Variants in NUP62CL observed in about 807,000 individuals in gnomAD.
The protein encoded by NUP62CL is nucleoporin 62 C-terminal like.
Under a neutral mutation model 15.3 loss-of-function variants are expected in NUP62CL, and 13 were observed. The observed-to-expected ratio is 0.85, with a 90% CI of 0.55 to 1.35. The LOEUF is 1.35. Among genes scored for constraint, NUP62CL ranks in the 40% most tolerant of loss-of-function variants. The pLI is 0.00. For synonymous variants in NUP62CL, 54 were observed against 49.2 expected (o/e 1.10, Z -0.41); for missense variants, 123 against 130.6 (o/e 0.94, Z 0.28).
chrX:107,142,188 G>T (rs2147794939), intron 8 of NUP62CL, among the ~76,000 whole-genome samples: 1 of 111,214 alleles, frequency 9.0e-6, no homozygotes, highest in African/African-American at 3.3e-5. Flanking sequence ...TAAATATAAA[G>T]TATGATTATT....
intron 2 of NUP62CL, among the ~76,000 whole-genome samples, chrX:107,183,466 T>C (rs762970752): frequency 2.3e-4 from 25 of 109,815 alleles, no homozygotes; most frequent in Non-Finnish European, 3.8e-4. Flanking sequence ...TAAAATAAGA[T>C]AAAAAATAAA....
chrX:107,193,819 A>G (rs557592654), intron 1 of NUP62CL, among the ~76,000 whole-genome samples: 3 of 111,987 alleles, frequency 2.7e-5, no homozygotes, highest in African/African-American at 9.7e-5. Context: ...CAATCTGAAC[A>G]GCACATCAAA....
intron 2 of NUP62CL, among the ~76,000 whole-genome samples, chrX:107,182,352 C>T (rs373989437): frequency 8.9e-6 from 1 of 111,828 alleles, no homozygotes; most frequent in African/African-American, 3.3e-5. Context: ...CCAAAATTCC[C>T]CCATGGTGGG....
intron 7 of NUP62CL, chrX:107,150,914 A>C (rs1453776135): frequency 2.9e-6 from 1 of 342,901 alleles, no homozygotes; most frequent in Admixed American, 3.1e-5. Flanking sequence ...AACGTCCTTG[A>C]GATCTTGGGC....
At chrX:107,171,828 G>T (rs1371501324) in intron 3 of NUP62CL, among the ~76,000 whole-genome samples, 1 of 110,303 alleles carries the variant, frequency 9.1e-6, no homozygotes, top group African/African-American at 3.3e-5. Flanking sequence ...CAAAGAGGCT[G>T]CCCATTCATA....
intron 1 of NUP62CL, among the ~76,000 whole-genome samples, chrX:107,199,353 G>C (rs1874352283): frequency 8.9e-6 from 1 of 111,868 alleles, no homozygotes; most frequent in African/African-American, 3.2e-5. Flanking sequence ...TAAATCTACT[G>C]TGTGTCAAAA....
Position 107,204,773 on chromosome X carries a change from TTTAAATAAATTTTAAATAAA to T in NUP62CL, c.-92+1480_-92+1499del, listed in dbSNP as rs1215619507. On this transcript the variant is annotated intron_variant, in intron 1 of 8. Transcript: ENST00000372466. ...ATTTAAATAAATTTTAAATAAATTA[TTTAAATAAATTTTAAATAAA>T]TTATTTAAATAAATTTTAAATAAAT... Among the ~76,000 whole-genome samples, 160 of 89,795 alleles carry T rather than the reference TTTAAATAAATTTTAAATAAA, an allele frequency of 1.8e-3. 42 individuals carry two copies. The highest frequency in any genetic ancestry group is 5.6e-3 in the African/African-American group (117 of 20,723). 78.0% of individuals were successfully genotyped at this position (89,795 alleles called of 115,157 possible). A position where few individuals can be genotyped will look rare whatever the true frequency, so the allele number is the denominator to read the frequency against.
intron 1 of NUP62CL, among the ~76,000 whole-genome samples, chrX:107,199,528 T>C (rs1251072100): frequency 4.5e-5 from 5 of 112,230 alleles, no homozygotes; most frequent in Non-Finnish European, 9.4e-5. Context: ...GCACAGAAGC[T>C]TAGCCATACG....
intron 8 of NUP62CL, chrX:107,132,209 C>T (rs1190816399): frequency 3.9e-5 from 43 of 1,107,568 alleles, no homozygotes; most frequent in South Asian, 1.3e-4. Context: ...GATTCTGGTC[C>T]TCTTATTGAT....
intron 2 of NUP62CL, among the ~76,000 whole-genome samples, chrX:107,189,870 AAG>A (rs1251937786): frequency 1.9e-4 from 13 of 69,389 alleles, no homozygotes; most frequent in African/African-American, 3.8e-4. Context: ...AGGAAGGAAA[AAG>A]AAAGAAAAGA....
chrX:107,176,262 T>G (rs1926780217), intron 2 of NUP62CL, among the ~76,000 whole-genome samples: 1 of 111,232 alleles, frequency 9.0e-6, no homozygotes, highest in African/African-American at 3.3e-5. Context: ...AATAACAATT[T>G]AGGGTGTAAG....
chrX:107,128,608 G>A (rs765805008), intron 8 of NUP62CL, among the ~76,000 whole-genome samples: 79 of 111,618 alleles, frequency 7.1e-4, no homozygotes, highest in Non-Finnish European at 1.3e-3. Flanking sequence ...ACACAGCCTG[G>A]ATACAAAGAA....
In NUP62CL at chrX:107,153,201, C is replaced by T. The variant is rs760788723; in HGVS notation, c.501G>A (p.Leu167=). The T allele has an allele frequency of 8.3e-7, 1 of 1,205,894 alleles. No individual in the cohort carries two copies. Among genetic ancestry groups the T allele is most frequent in the East Asian group, 3.0e-5 (1 of 33,737 alleles). ...STRDQSGLHY[L]QDADEEHVEI... ...CCACATGCTCCTCATCTGCATCCTG[C>T]AGATAATGAAGTCCACTCTGGTCAC... Residue 167 remains leucine (L), a synonymous_variant, in exon 7 of 9, where the codon CTG becomes CTA. Coordinates refer to ENST00000372466, the MANE Select transcript of NUP62CL (RefSeq NM_017681.3).
At chrX:107,152,053 T>G (rs867752896) in intron 7 of NUP62CL, among the ~76,000 whole-genome samples, 2 of 66,481 alleles carry the variant, frequency 3.0e-5, no homozygotes, top group Non-Finnish European at 4.8e-5. Flanking sequence ...TATTCAGATA[T>G]ATATATATAT....
chrX:107,179,480 G>A (rs186598884), intron 2 of NUP62CL, among the ~76,000 whole-genome samples: 12 of 111,120 alleles, frequency 1.1e-4, no homozygotes, highest in African/African-American at 3.6e-4. Context: ...TGTACCTACC[G>A]TTTAGCTCCC....
chrX:107,198,536 C>T (rs764900987), intron 1 of NUP62CL, among the ~76,000 whole-genome samples: 32 of 111,705 alleles, frequency 2.9e-4, no homozygotes, highest in African/African-American at 9.8e-4. Context: ...CAGCTTCACT[C>T]CTGAAGCCAG....
chrX:107,174,524 G>A (rs1364443205), intron 3 of NUP62CL, among the ~76,000 whole-genome samples: 1 of 111,200 alleles, frequency 9.0e-6, no homozygotes, highest in African/African-American at 3.3e-5. Context: ...TTGGGGTTAC[G>A]AGATAATGTC....
rs772211351 is a variant in NUP62CL, at chrX:107,198,827, T to C, written c.-91-5755A>G. Among the ~76,000 whole-genome samples, 165 of 112,358 alleles carry C rather than the reference T, an allele frequency of 1.5e-3. 1 individual carries two copies. Among genetic ancestry groups the C allele is most frequent in the Non-Finnish European group, 2.0e-3 (105 of 53,293 alleles). On this transcript the variant is annotated intron_variant, in intron 1 of 8. Transcript: ENST00000372466. ...AATACTCACCGCGAGGGTCCGCAGC[T>C]TCATTCTTGAAGTCAGCGAGACCAA...
chrX:107,143,164 T>C (rs913612019), intron 8 of NUP62CL, among the ~76,000 whole-genome samples: 1 of 112,000 alleles, frequency 8.9e-6, no homozygotes, highest in Non-Finnish European at 1.9e-5. Flanking sequence ...TTCATGGATA[T>C]TGAAAAGTTG....
Sources: gnomAD v4.1 joint callset for allele counts (sites outside exome capture counted in the v4.1 genomes callset) on GRCh38, gnomAD v4.1.1 for gene constraint, MANE v1.5 for transcripts, NCBI Gene and HGNC (gene_info 2026-07-23, HGNC 2026-07-21) for gene names.